The following TASP1 variants were observed in gnomAD, a reference collection of about 807,000 sequenced individuals.
TASP1 encodes the protein threonine aspartase 1.
A neutral mutation model predicts 56.6 loss-of-function variants in TASP1; 16 were observed. That is an observed-to-expected ratio of 0.28 (90% CI 0.19 to 0.43). The LOEUF (loss-of-function observed/expected upper bound fraction) is 0.43, where lower values mean the gene tolerates loss of function less well. TASP1 is among the 20% of genes least tolerant of loss of function. The pLI, the probability that TASP1 is intolerant of heterozygous loss-of-function variation, is 1.00. For missense variants in TASP1, 393 were observed against 511.6 expected (o/e 0.77, Z 2.24); for synonymous variants, 179 against 184.2 (o/e 0.97, Z 0.23).
chr20:13,439,106 C>T (rs979418777), intron 11 of TASP1, among the ~76,000 whole-genome samples: 1 of 152,194 alleles, frequency 6.6e-6, no homozygotes, highest in African/African-American at 2.4e-5. Context: ...GGCGATTCCT[C>T]AGGGATCTAG....
intron 11 of TASP1, among the ~76,000 whole-genome samples, chr20:13,456,820 T>C (rs891924148): frequency 2.0e-5 from 3 of 152,012 alleles, no homozygotes; most frequent in Non-Finnish European, 4.4e-5. Flanking sequence ...ATAAAAAGCT[T>C]GTAATGAGAA....
intron 11 of TASP1, among the ~76,000 whole-genome samples, chr20:13,473,952 T>C (rs985783141): frequency 6.6e-6 from 1 of 152,128 alleles, no homozygotes; most frequent in African/African-American, 2.4e-5. Flanking sequence ...TAAGTGCCTG[T>C]AATCCTAGCT....
the TASP1 span, among the ~76,000 whole-genome samples, chr20:13,356,314 ATTG>A: frequency 6.6e-6 from 1 of 152,212 alleles, no homozygotes; most frequent in Non-Finnish European, 1.5e-5. Flanking sequence ...AATAGGAGCA[ATTG>A]TTGTAAAGCA....
the TASP1 span, among the ~76,000 whole-genome samples, chr20:13,224,169 A>G: frequency 6.6e-6 from 1 of 152,142 alleles, no homozygotes; most frequent in Non-Finnish European, 1.5e-5. Context: ...GTTCGGTGAG[A>G]CTGTCCACTC....
the TASP1 span, among the ~76,000 whole-genome samples, chr20:13,254,585 C>T: frequency 3.3e-5 from 5 of 152,266 alleles, no homozygotes; most frequent in Admixed American, 1.3e-4. Context: ...TGGTCACAGG[C>T]AGGTGGCAAG....
rs35818842 is a variant in TASP1, at chr20:13,596,371, TAA to T, written c.283-9003_283-9002del. On this transcript the variant is annotated intron_variant, in intron 4 of 13. Coordinates refer to ENST00000337743, the MANE Select transcript of TASP1 (RefSeq NM_017714.3). ...GCCTGGGCAACAAGAGTGAAACTCG[TAA>T]AAAAAAAAAAAAAATGCACAATTAC... 7.7e-3 allele frequency among the ~76,000 whole-genome samples: 1,072 copies of T among 138,640 alleles called. 8 individuals are homozygous for T. Among genetic ancestry groups the T allele is most frequent in the African/African-American group, 0.023 (876 of 38,352 alleles). The allele number at this position is 138,640 out of a possible 152,430, so 91.0% of individuals were successfully genotyped here. A position where few individuals can be genotyped will look rare whatever the true frequency, so the allele number is the denominator to read the frequency against.
chr20:13,420,477 T>G (rs1380516473), intron 12 of TASP1, among the ~76,000 whole-genome samples: 1 of 152,250 alleles, frequency 6.6e-6, no homozygotes. Context: ...AGCATTGTAC[T>G]GACACATTTT....
chr20:13,502,663 A>G (rs1358200490), intron 10 of TASP1, among the ~76,000 whole-genome samples: 1 of 141,988 alleles, frequency 7.0e-6, no homozygotes, highest in African/African-American at 3.0e-5. Flanking sequence ...TATTAATCAG[A>G]GAATTTGTGA....
chr20:13,355,795 A>T, the TASP1 span, among the ~76,000 whole-genome samples: 1 of 152,144 alleles, frequency 6.6e-6, no homozygotes, highest in East Asian at 1.9e-4. Context: ...ATGACAACTT[A>T]ATTTAACTGC....
At chr20:13,256,395 CAAAAAAAAAA>C in the TASP1 span, among the ~76,000 whole-genome samples, 2 of 71,802 alleles carry the variant, frequency 2.8e-5, no homozygotes, top group East Asian at 3.6e-4. Context: ...GACCCCGTCT[CAAAAAAAAAA>C]AAAAAAAAAA....
intron 11 of TASP1, among the ~76,000 whole-genome samples, chr20:13,448,662 G>A (rs77664663): frequency 0.021 from 3,261 of 152,126 alleles, 107 homozygotes; most frequent in African/African-American, 0.074. Context: ...AATTTAAAAG[G>A]ATCGCTTATG....
chr20:13,441,971 C>T (rs1389830021), intron 11 of TASP1, among the ~76,000 whole-genome samples: 2 of 152,162 alleles, frequency 1.3e-5, no homozygotes, highest in African/African-American at 4.8e-5. Flanking sequence ...CTCCCAACTG[C>T]CTGTAGAATG....
chr20:13,330,894 T>C, the TASP1 span, among the ~76,000 whole-genome samples: 1 of 152,196 alleles, frequency 6.6e-6, no homozygotes, highest in Non-Finnish European at 1.5e-5. Flanking sequence ...TCTCTCCCTT[T>C]TTTCTTTATC....
the TASP1 span, among the ~76,000 whole-genome samples, chr20:13,249,922 C>G: frequency 1.3e-5 from 2 of 152,054 alleles, no homozygotes; most frequent in Admixed American, 1.3e-4. Flanking sequence ...ATTGCTGGGG[C>G]CTTCCAGAAA....
chr20:13,489,816 C>T (rs981291442), intron 10 of TASP1, among the ~76,000 whole-genome samples: 1 of 152,190 alleles, frequency 6.6e-6, no homozygotes, highest in African/African-American at 2.4e-5. Flanking sequence ...GCATTAAGTA[C>T]ATTCACACTG....
intron 10 of TASP1, among the ~76,000 whole-genome samples, chr20:13,490,318 T>C (rs75914466): frequency 0.029 from 4,416 of 152,284 alleles, 196 homozygotes; most frequent in African/African-American, 0.098. Flanking sequence ...AACCACCTTT[T>C]ATCCATCTAA....
the TASP1 span, among the ~76,000 whole-genome samples, chr20:13,193,528 A>T: frequency 6.6e-6 from 1 of 152,250 alleles, no homozygotes; most frequent in Non-Finnish European, 1.5e-5. Context: ...AGATATTCAA[A>T]GAGTTGTTAA....
intron 11 of TASP1, among the ~76,000 whole-genome samples, chr20:13,438,333 C>G (rs1411277865): frequency 2.0e-5 from 3 of 152,064 alleles, no homozygotes; most frequent in South Asian, 2.1e-4. Flanking sequence ...CAGAACAGAG[C>G]CCTCAGAAAT....
the TASP1 span, chr20:13,221,836 C>A: frequency 6.9e-7 from 1 of 1,452,622 alleles, no homozygotes; most frequent in Non-Finnish European, 9.0e-7. Flanking sequence ...TCACGCTGCA[C>A]ATCACCGTGC....
Sources: allele counts gnomAD v4.1 joint callset (sites outside exome capture counted in the v4.1 genomes callset), GRCh38; gene constraint gnomAD v4.1.1; transcripts MANE v1.5; gene names NCBI Gene and HGNC (gene_info 2026-07-23, HGNC 2026-07-21).